Variants in DCDC2 observed in about 807,000 individuals in gnomAD.
DCDC2 encodes doublecortin domain containing 2, also known as doublecortin domain-containing protein 2.
Under a neutral mutation model 50.2 loss-of-function variants are expected in DCDC2, and 40 were observed. The observed-to-expected ratio is 0.80, with a 90% CI of 0.62 to 1.04. The LOEUF (loss-of-function observed/expected upper bound fraction) is 1.04. Among genes scored for constraint, DCDC2 ranks in the 50% least tolerant of loss-of-function variants. DCDC2 has a pLI of 0.00. For synonymous variants in DCDC2, 234 were observed against 210.6 expected, an observed-to-expected ratio of 1.11 and a Z score of -0.96; for missense variants, 570 against 581.9, an observed-to-expected ratio of 0.98 and a Z score of 0.21.
At position 24,261,261 on chromosome 6, in the gene DCDC2, G is replaced by A. The variant is rs986890895; in HGVS notation, c.922+16788C>T. Among the ~76,000 whole-genome samples the A allele has an allele frequency of 2.3e-5, 3 of 130,060 alleles. No individual in the cohort carries two copies. In the East Asian group the frequency reaches 6.9e-4, roughly 30 times the overall value. 85.3% of individuals were successfully genotyped at this position (130,060 alleles called of 152,430 possible). Reference sequence around the variant, plus strand: ...GCAGAATGTCTCTACCTTTGTTTCTGATCTGAGATGTCAGTGCTTTTTTTT... The same window carrying A: ...GCAGAATGTCTCTACCTTTGTTTCTAATCTGAGATGTCAGTGCTTTTTTTT... On this transcript the variant is annotated intron_variant, in intron 7 of 9. Transcript: ENST00000378454.
chr6:24,287,797 T>C (rs774303386), intron 6 of DCDC2, among the ~76,000 whole-genome samples: 2 of 152,246 alleles, frequency 1.3e-5, no homozygotes, highest in South Asian at 2.1e-4. Context: ...CTCCCTCTCA[T>C]GGTCACCAAT....
intron 8 of DCDC2, among the ~76,000 whole-genome samples, chr6:24,202,063 G>A (rs537396540): frequency 6.6e-6 from 1 of 151,816 alleles, no homozygotes; most frequent in Non-Finnish European, 1.5e-5. Flanking sequence ...CATATAAAAA[G>A]GAGCTGGTAC....
intron 7 of DCDC2, among the ~76,000 whole-genome samples, chr6:24,249,487 G>T (rs954729500): frequency 6.6e-6 from 1 of 152,170 alleles, no homozygotes; most frequent in African/African-American, 2.4e-5. Context: ...ATGATATACA[G>T]TAATGTAGCT....
intron 7 of DCDC2, among the ~76,000 whole-genome samples, chr6:24,245,509 A>G (rs1762651123): frequency 6.6e-6 from 1 of 152,236 alleles, no homozygotes. Context: ...AGTGGTCAAG[A>G]AAACTCCAGC....
intron 4 of DCDC2, among the ~76,000 whole-genome samples, chr6:24,292,990 A>G (rs930185117): frequency 4.6e-5 from 7 of 152,238 alleles, no homozygotes; most frequent in Admixed American, 2.6e-4. Context: ...CAAAATAGTT[A>G]TATCTCAATC....
Position 24,357,615 on chromosome 6 carries a change from C to T in DCDC2, c.136G>A (p.Val46Ile). ...IHEKKVSSFE[V>I]FLKEVTGGVQ... ...CCGCCGGTCACCTCCTTCAGGAAGA[C>T]TTCGAAGCTGGACACCTTCTTCTCA... is the stretch of plus-strand genomic sequence containing the variant. The change falls in exon 1 of 10, where the codon GTC becomes ATC. Residue 46 changes from valine (V) to isoleucine (I), a missense_variant. Coordinates refer to ENST00000378454, the MANE Select transcript of DCDC2 (RefSeq NM_016356.5). The T allele has an allele frequency of 6.2e-7, 1 of 1,613,522 alleles. No homozygotes were observed. The highest frequency in any genetic ancestry group is 1.3e-5 in the African/African-American group (1 of 75,070).
chr6:24,353,631 A>G lies in DCDC2; in HGVS notation c.294-8T>C. On this transcript the variant is annotated splice_polypyrimidine_tract_variant and splice_region_variant and intron_variant, in intron 1 of 9. Transcript: ENST00000378454. Reference sequence around the variant, plus strand: ...TCTCCTATGTCCAAGTAACTGAGGAAAAAACAAACAAACAATAAGAGTTGC... The same window carrying G: ...TCTCCTATGTCCAAGTAACTGAGGAGAAAACAAACAAACAATAAGAGTTGC... 1 of 1,562,226 alleles carries G rather than the reference A, an allele frequency of 6.4e-7. No individual in the cohort carries two copies. The highest frequency in any genetic ancestry group is 8.7e-7 in the Non-Finnish European group (1 of 1,149,492).
chr6:24,337,231 G>T (rs947394342), intron 2 of DCDC2, among the ~76,000 whole-genome samples: 2 of 152,112 alleles, frequency 1.3e-5, no homozygotes, highest in Non-Finnish European at 2.9e-5. Flanking sequence ...AATAAAAAAT[G>T]CATTCAGTGA....
chr6:24,238,132 A>AGAATGGAGGGAT (rs1762489143), intron 7 of DCDC2, among the ~76,000 whole-genome samples: 1 of 3,094 alleles, frequency 3.2e-4, no homozygotes, highest in Non-Finnish European at 1.1e-3. Context: ...AAGGGAGGAA[A>AGAATGGAGGGAT]GGAGGAAGGG....
intron 2 of DCDC2, among the ~76,000 whole-genome samples, chr6:24,305,218 T>C (rs1759450047): frequency 6.6e-6 from 1 of 152,226 alleles, no homozygotes; most frequent in African/African-American, 2.4e-5. Flanking sequence ...AAATTATTAC[T>C]TGAATTCAAT....
At chr6:24,255,518 A>T (rs1762882960) in intron 7 of DCDC2, among the ~76,000 whole-genome samples, 1 of 152,176 alleles carries the variant, frequency 6.6e-6, no homozygotes, top group Non-Finnish European at 1.5e-5. Flanking sequence ...CAAGCCACAG[A>T]ATGGAAAAAG....
chr6:24,331,047 T>G (rs1030869255), intron 2 of DCDC2, among the ~76,000 whole-genome samples: 5 of 152,158 alleles, frequency 3.3e-5, no homozygotes, highest in Non-Finnish European at 7.3e-5. Context: ...GATATATATT[T>G]GCTTTCTTTT....
At chr6:24,179,348 C>T (rs1561879274) in intron 8 of DCDC2, among the ~76,000 whole-genome samples, 1 of 151,034 alleles carries the variant, frequency 6.6e-6, no homozygotes. Context: ...GAGATCGAGA[C>T]CATCCTGGCT....
intron 7 of DCDC2, among the ~76,000 whole-genome samples, chr6:24,232,058 G>A (rs1762348523): frequency 6.6e-6 from 1 of 150,758 alleles, no homozygotes; most frequent in Admixed American, 6.6e-5. Context: ...TAACTAAAAT[G>A]CTCAATTTTG....
intron 7 of DCDC2, among the ~76,000 whole-genome samples, chr6:24,251,713 G>A (rs943391614): frequency 3.9e-5 from 6 of 152,108 alleles, no homozygotes; most frequent in Non-Finnish European, 8.8e-5. Flanking sequence ...AAAAACCTAG[G>A]ATGGATTTCT....
chr6:24,353,670 AAGTC>A (rs758426717), intron 1 of DCDC2, 47 bp from the exon 2 acceptor site: 6 of 1,165,864 alleles, frequency 5.1e-6, no homozygotes, highest in Middle Eastern at 2.0e-4. Flanking sequence ...TATAGACTTT[AAGTC>A]AGTAATTTAT....
intron 7 of DCDC2, among the ~76,000 whole-genome samples, chr6:24,275,286 TAGTC>T (rs1763327803): frequency 6.6e-6 from 1 of 152,206 alleles, no homozygotes; most frequent in East Asian, 1.9e-4. Context: ...AAAATTTCTG[TAGTC>T]AAAGACATCT....
chr6:24,254,247 A>G (rs1313383203), intron 7 of DCDC2, among the ~76,000 whole-genome samples: 1 of 152,156 alleles, frequency 6.6e-6, no homozygotes, highest in Non-Finnish European at 1.5e-5. Flanking sequence ...TGTTCTACCT[A>G]TAACTTTTAT....
intron 7 of DCDC2, among the ~76,000 whole-genome samples, chr6:24,247,213 C>T (rs1459060556): frequency 6.6e-6 from 1 of 152,014 alleles, no homozygotes; most frequent in Non-Finnish European, 1.5e-5. Context: ...TGCAGTGTAG[C>T]GGTTAAGGTA....
Sources: gnomAD v4.1 joint callset for allele counts (sites outside exome capture counted in the v4.1 genomes callset) on GRCh38, gnomAD v4.1.1 for gene constraint, MANE v1.5 for transcripts, NCBI Gene and HGNC (gene_info 2026-07-23, HGNC 2026-07-21) for gene names.